Variants in OTOGL observed in about 807,000 individuals in gnomAD.
OTOGL encodes the protein otogelin-like protein.
In OTOGL, 285 loss-of-function variants were observed where a neutral mutation model predicts 318.5. That is an observed-to-expected ratio of 0.89 (90% CI 0.81 to 0.99). OTOGL has a LOEUF of 0.99. Ranked by LOEUF, OTOGL falls within the 50% of genes least tolerant of loss-of-function variation. The probability of loss-of-function intolerance (pLI) is 0.00; values close to 1 mark genes in which losing one functional copy is unlikely to be tolerated. For synonymous variants in OTOGL, 987 were observed against 936.5 expected, an observed-to-expected ratio of 1.05 and a Z score of -0.99; for missense variants, 2,899 against 2,845.6, an observed-to-expected ratio of 1.02 and a Z score of -0.43.
intron 35 of OTOGL, among the ~76,000 whole-genome samples, chr12:80,325,031 CT>C (rs34300820): frequency 0.52 from 78,175 of 149,538 alleles, 22,450 homozygotes; most frequent in East Asian, 0.77. Flanking sequence ...GTATAAACAG[CT>C]TTTTTTTTTT....
intron 1 of OTOGL, among the ~76,000 whole-genome samples, chr12:80,147,580 G>A (rs1260031712): frequency 6.6e-6 from 1 of 151,972 alleles, no homozygotes; most frequent in Non-Finnish European, 1.5e-5. Context: ...TCTGCTTGGT[G>A]CAGAGCTGAG....
chr12:80,343,110 G>A (rs1315439986), intron 44 of OTOGL, among the ~76,000 whole-genome samples: 6 of 151,972 alleles, frequency 3.9e-5, no homozygotes, highest in African/African-American at 1.2e-4. Context: ...TCCTGACCTC[G>A]TGATCACCCA....
At chr12:80,130,113 T>C (rs912379630) in intron 1 of OTOGL, among the ~76,000 whole-genome samples, 1 of 152,210 alleles carries the variant, frequency 6.6e-6, no homozygotes, top group East Asian at 1.9e-4. Flanking sequence ...GGTTTCTTTG[T>C]ATTCAGTTTT....
chr12:80,104,137 AG>A (rs1389859446), intron 1 of OTOGL, among the ~76,000 whole-genome samples: 1 of 152,198 alleles, frequency 6.6e-6, no homozygotes, highest in Non-Finnish European at 1.5e-5. Flanking sequence ...GGATTCAGTG[AG>A]GTATGAGGCA....
Position 80,358,722 on chromosome 12 carries a change from T to C in OTOGL, c.6173T>C (p.Met2058Thr), listed in dbSNP as rs755869443. 8.1e-6 allele frequency: 13 copies of C among 1,613,212 alleles called. No homozygotes were observed. Among genetic ancestry groups the C allele is most frequent in the African/African-American group, 6.7e-5 (5 of 74,922 alleles). The change falls in exon 51 of 59, where the codon ATG (methionine) becomes ACG (threonine). Residue 2058 changes from methionine (M) to threonine (T), a missense_variant. Coordinates refer to ENST00000547103, the MANE Select transcript of OTOGL (RefSeq NM_001378609.3). ...PMPLLNCAED[M>T]NLVKENVSGQ... ...CCATTACTCAACTGTGCAGAAGATA[T>C]GAATCTTGTGAAAGAAAATGTATCT...
At chr12:80,167,720 A>T (rs915713976) in intron 1 of OTOGL, among the ~76,000 whole-genome samples, 1 of 152,134 alleles carries the variant, frequency 6.6e-6, no homozygotes, top group South Asian at 2.1e-4. Flanking sequence ...ATAACTTCAC[A>T]CATCTAATTT....
chr12:80,156,454 C>A (rs1873123413), intron 1 of OTOGL, among the ~76,000 whole-genome samples: 2 of 152,082 alleles, frequency 1.3e-5, no homozygotes, highest in Non-Finnish European at 2.9e-5. Context: ...TCTAGAGAAC[C>A]CTGACTAATA....
At chr12:80,279,364 G>C (rs775148493) in intron 26 of OTOGL, among the ~76,000 whole-genome samples, 198 bp downstream of exon 26, 24 of 151,440 alleles carry the variant, frequency 1.6e-4, no homozygotes, top group South Asian at 6.2e-4. Context: ...ATGTTGCTGG[G>C]GTTTGGTGTA....
rs66786755 is a variant in OTOGL, at chr12:80,295,157, C to CTTTTTTTTTTTTTTTTT, written c.2929-1657_2929-1641dup. Among the ~76,000 whole-genome samples, 2 of 98,940 alleles carry CTTTTTTTTTTTTTTTTT rather than the reference C, an allele frequency of 2.0e-5. 1 individual carries two copies. The highest frequency in any genetic ancestry group is 3.6e-5 in the Non-Finnish European group (2 of 55,304). The allele number at this position is 98,940 out of a possible 152,430, so 64.9% of individuals were successfully genotyped here. A position where few individuals can be genotyped will look rare whatever the true frequency, so the allele number is the denominator to read the frequency against. On this transcript the variant is annotated intron_variant, in intron 26 of 58. Coordinates refer to ENST00000547103, the MANE Select transcript of OTOGL (RefSeq NM_001378609.3). ...AAACACAAACTGTATGATTGCCGAA[C>CTTTTTTTTTTTTTTTTT]TTTTTTTTTTTTTTTTTTTTTTTTT... is the stretch of plus-strand genomic sequence containing the variant.
chr12:80,189,307 C>A, intron 1 of OTOGL: 1 of 484,146 alleles, frequency 2.1e-6, no homozygotes, highest in Non-Finnish European at 2.7e-6. Flanking sequence ...ATCTTTTACT[C>A]AACATTGTCT....
chr12:80,170,840 CAG>C (rs998637947), intron 1 of OTOGL, among the ~76,000 whole-genome samples: 4 of 152,126 alleles, frequency 2.6e-5, no homozygotes. Flanking sequence ...AGTCTCTGAA[CAG>C]TGTTTTTTAT....
At chr12:80,251,997 TAA>T in intron 12 of OTOGL, 77 bp from the exon 13 acceptor site, 2 of 1,380,806 alleles carry the variant, frequency 1.4e-6, no homozygotes, top group African/African-American at 2.9e-5. Flanking sequence ...TTATTTTTTG[TAA>T]AAAATAAAAT....
chr12:80,237,891 T>C (rs1203948406), intron 9 of OTOGL, among the ~76,000 whole-genome samples: 2 of 152,236 alleles, frequency 1.3e-5, no homozygotes, highest in African/African-American at 4.8e-5. Context: ...TGTTGACTTC[T>C]GACCATGCAA....
intron 11 of OTOGL, among the ~76,000 whole-genome samples, chr12:80,244,743 A>G (rs867777099): frequency 5.4e-4 from 80 of 146,860 alleles, no homozygotes; most frequent in Non-Finnish European, 1.0e-3. Context: ...AATCACCACA[A>G]TGACTTCCAC....
chr12:80,354,596 G>T (rs1889758412), intron 46 of OTOGL, among the ~76,000 whole-genome samples: 1 of 152,008 alleles, frequency 6.6e-6, no homozygotes, highest in Non-Finnish European at 1.5e-5. Flanking sequence ...ACGATCAAAA[G>T]AAAATGAATT....
chr12:80,274,054 C>T (rs1244531438), intron 24 of OTOGL, among the ~76,000 whole-genome samples: 1 of 151,918 alleles, frequency 6.6e-6, no homozygotes, highest in Admixed American at 6.6e-5. Flanking sequence ...TTCCCTGAGA[C>T]ACAATACTGA....
intron 1 of OTOGL, among the ~76,000 whole-genome samples, chr12:80,197,686 A>G (rs1565896420): frequency 2.0e-5 from 3 of 152,208 alleles, no homozygotes; most frequent in African/African-American, 7.2e-5. Flanking sequence ...GATTCCACAA[A>G]AGGCACTCTA....
chr12:80,155,117 A>T (rs956674129), intron 1 of OTOGL, among the ~76,000 whole-genome samples: 1 of 152,140 alleles, frequency 6.6e-6, no homozygotes, highest in Non-Finnish European at 1.5e-5. Context: ...TGGCGCATTT[A>T]TAATTGAGTT....
chr12:80,251,759 C>T lies in OTOGL; in HGVS notation c.1119C>T (p.Gly373=), dbSNP rs757379091. The T allele has an allele frequency of 1.9e-6, 3 of 1,590,816 alleles. No homozygotes were observed. The South Asian group carries it at 3.4e-5, about 18-fold the overall frequency. The change falls in exon 12 of 59, where the codon GGC becomes GGT. Residue 373 remains glycine, a synonymous_variant. Coordinates refer to ENST00000547103, the MANE Select transcript of OTOGL (RefSeq NM_001378609.3). ...TEYARACSHA[G]YPIQDWRDDF... ...ATGCTAGAGCCTGCTCTCATGCTGGCTACCCTATTCAAGACTGGAGAGATG... is the reference window on the plus strand; with the variant it reads ...ATGCTAGAGCCTGCTCTCATGCTGGTTACCCTATTCAAGACTGGAGAGATG...
Sources: gnomAD v4.1 joint callset for allele counts (sites outside exome capture counted in the v4.1 genomes callset) on GRCh38, gnomAD v4.1.1 for gene constraint, MANE v1.5 for transcripts, NCBI Gene and HGNC (gene_info 2026-07-23, HGNC 2026-07-21) for gene names.